Variants in TRIB2 observed in about 807,000 individuals in gnomAD.
The protein encoded by TRIB2 is tribbles pseudokinase 2, also known as tribbles homolog 2.
In TRIB2, 2 loss-of-function variants were observed where a neutral mutation model predicts 26.8. The ratio of observed to expected loss-of-function variants is 0.07; its 90% CI spans 0.03 to 0.24. The LOEUF is 0.24. Among genes scored for constraint, TRIB2 ranks in the 10% least tolerant of loss-of-function variants. The pLI is 1.00. For missense variants in TRIB2, 306 were observed against 449.0 expected (o/e 0.68, Z 2.88); for synonymous variants, 189 against 187.3 (o/e 1.01, Z -0.08).
chr2:12,738,752 C>T (rs1353945317), intron 2 of TRIB2, among the ~76,000 whole-genome samples: 4 of 152,180 alleles, frequency 2.6e-5, no homozygotes, highest in Non-Finnish European at 4.4e-5. Context: ...GTGGAGGAAG[C>T]TCTCAGTGAC....
Position 12,717,380 on chromosome 2 carries a change from C to T in TRIB2, c.-928C>T, listed in dbSNP as rs1027980489. 21 of 398,382 alleles carry T rather than the reference C, an allele frequency of 5.3e-5. No homozygotes were observed. Among genetic ancestry groups the T allele is most frequent in the Admixed American group, 2.2e-4 (5 of 22,718 alleles). 24.7% of individuals were successfully genotyped at this position (398,382 alleles called of 1,614,324 possible). Reference sequence around the variant, plus strand: ...TCGTGCCGGCGAAATCGGAGACCGCCGATCTGTCCTCGTTCTCTCCTGCAC... The same window carrying T: ...TCGTGCCGGCGAAATCGGAGACCGCTGATCTGTCCTCGTTCTCTCCTGCAC... On this transcript the variant is annotated 5_prime_UTR_variant, in exon 1 of 3. Coordinates refer to ENST00000155926, the MANE Select transcript of TRIB2 (RefSeq NM_021643.4). This position sits in a 1 kb window ranked among gnomAD's most constrained non-coding sequence, Gnocchi z 4.8.
chr2:12,717,016 T>G lies in TRIB2; in HGVS notation c.-1292T>G. The stretch of plus-strand genomic sequence containing the variant: ...GCTCCGAGATCCCCGGCCACGTAAG[T>G]AACTATTAATACCGCCTCGCCGGGG... On this transcript the variant is annotated 5_prime_UTR_variant, in exon 1 of 3. Transcript: ENST00000155926. The surrounding 1 kb of genome is among the most constrained non-coding windows in gnomAD (Gnocchi z 4.8). The G allele has an allele frequency of 5.8e-6, 1 of 171,268 alleles. No individual in the cohort carries two copies. The highest frequency in any genetic ancestry group is 1.2e-5 in the Non-Finnish European group (1 of 81,816). 10.6% of individuals were successfully genotyped at this position (171,268 alleles called of 1,614,324 possible). A position where few individuals can be genotyped will look rare whatever the true frequency, so the allele number is the denominator to read the frequency against.
chr2:12,728,488 T>G (rs1279305986), intron 2 of TRIB2, among the ~76,000 whole-genome samples: 1 of 152,250 alleles, frequency 6.6e-6, no homozygotes, highest in Non-Finnish European at 1.5e-5. Context: ...GATTTCTCTC[T>G]GGGTTCAAGG....
Position 12,718,014 on chromosome 2 carries a change from C to G in TRIB2, c.-294C>G, listed in dbSNP as rs191327196. 1.6e-3 allele frequency: 689 copies of G among 435,170 alleles called. 1 individual carries two copies. Among genetic ancestry groups the G allele is most frequent in the African/African-American group, 0.012 (624 of 50,736 alleles). The allele number at this position is 435,170 out of a possible 1,614,324, so 27.0% of individuals were successfully genotyped here. A position where few individuals can be genotyped will look rare whatever the true frequency, so the allele number is the denominator to read the frequency against. ...CAGATCCACGCCGGGGACACACACACAGAGTAACTAAAAGTGCGGCGATTC... is the reference window on the plus strand; with the variant it reads ...CAGATCCACGCCGGGGACACACACAGAGAGTAACTAAAAGTGCGGCGATTC... On this transcript the variant is annotated 5_prime_UTR_variant, in exon 1 of 3. Coordinates refer to ENST00000155926, the MANE Select transcript of TRIB2 (RefSeq NM_021643.4). The surrounding 1 kb of genome is among the most constrained non-coding windows in gnomAD (Gnocchi z 4.0).
At chr2:12,731,978 T>C (rs1254103749) in intron 2 of TRIB2, among the ~76,000 whole-genome samples, 2 of 152,196 alleles carry the variant, frequency 1.3e-5, no homozygotes, top group Non-Finnish European at 2.9e-5. Context: ...TCAGGAGCCA[T>C]GGCTGAAAGT....
chr2:12,739,621 T>A (rs1661665917), intron 2 of TRIB2, among the ~76,000 whole-genome samples: 1 of 152,162 alleles, frequency 6.6e-6, no homozygotes, highest in Non-Finnish European at 1.5e-5. Flanking sequence ...TGCTTGAACA[T>A]TCCCTGCTTC....
chr2:12,733,845 G>T (rs1264190697), intron 2 of TRIB2, among the ~76,000 whole-genome samples: 3 of 152,216 alleles, frequency 2.0e-5, no homozygotes, highest in East Asian at 1.9e-4. Flanking sequence ...ACTTAGTGGC[G>T]CAAGGGAGCT....
At chr2:12,737,240 GCC>G (rs1389540210) in intron 2 of TRIB2, 2 of 153,642 alleles carry the variant, frequency 1.3e-5, no homozygotes, top group Admixed American at 1.3e-4. Context: ...CCACTGGACC[GCC>G]CCTTGTCCCA....
intron 2 of TRIB2, among the ~76,000 whole-genome samples, chr2:12,739,097 C>T (rs76534707): frequency 6.6e-6 from 1 of 152,020 alleles, no homozygotes; most frequent in East Asian, 1.9e-4. Context: ...TCACACACAC[C>T]CTATGCACGC....
intron 2 of TRIB2, among the ~76,000 whole-genome samples, chr2:12,728,133 T>G (rs1661372736): frequency 6.6e-6 from 1 of 151,908 alleles, no homozygotes; most frequent in African/African-American, 2.4e-5. Flanking sequence ...CCTTGAAAAA[T>G]TACCTAAGCT....
chr2:12,723,746 T>C (rs984763464), intron 2 of TRIB2, among the ~76,000 whole-genome samples, 194 bp downstream of exon 2: 3 of 152,184 alleles, frequency 2.0e-5, no homozygotes, highest in Admixed American at 2.0e-4. Context: ...ATTCTAAAGG[T>C]GTCATCTGGT....
At chr2:12,739,866 T>TC (rs1661675130) in intron 2 of TRIB2, among the ~76,000 whole-genome samples, 2 of 152,222 alleles carry the variant, frequency 1.3e-5, no homozygotes, top group African/African-American at 2.4e-5. Flanking sequence ...CTTTGTGGAC[T>TC]GTGGTCTGTC....
Position 12,740,318 on chromosome 2 carries a change from T to C in TRIB2, c.564-8T>C. On this transcript the variant is annotated splice_region_variant and splice_polypyrimidine_tract_variant and intron_variant, in intron 2 of 2. Coordinates refer to ENST00000155926, the MANE Select transcript of TRIB2 (RefSeq NM_021643.4). The surrounding 1 kb of genome is among the most constrained non-coding windows in gnomAD (Gnocchi z 5.8). ...CTCAGGAGCTTATGTTTTCCTCCTT[T>C]CTTGCAGGACTCGGGTCAAGCTGGA... 6.2e-7 allele frequency: 1 copy of C among 1,611,046 alleles called. No individual in the cohort carries two copies. The highest frequency in any genetic ancestry group is 8.5e-7 in the Non-Finnish European group (1 of 1,177,690).
Position 12,718,130 on chromosome 2 carries a change from T to G in TRIB2, c.-178T>G, listed in dbSNP as rs949304720. The G allele has an allele frequency of 2.3e-6, 2 of 852,038 alleles. No homozygotes were observed. The highest frequency in any genetic ancestry group is 1.7e-5 in the African/African-American group (1 of 58,438). The allele number at this position is 852,038 out of a possible 1,614,324, so 52.8% of individuals were successfully genotyped here. A position where few individuals can be genotyped will look rare whatever the true frequency, so the allele number is the denominator to read the frequency against. On this transcript the variant is annotated 5_prime_UTR_variant, in exon 1 of 3. Transcript: ENST00000155926. This position sits in a 1 kb window ranked among gnomAD's most constrained non-coding sequence, Gnocchi z 4.0. ...GGAGCCGGGCTCGGAGCAGACGAGG[T>G]ATCCGGCGGCGCCCATTTGGGGGCT...
intron 2 of TRIB2, among the ~76,000 whole-genome samples, chr2:12,725,175 C>T (rs1336365032): frequency 2.0e-5 from 3 of 152,232 alleles, no homozygotes; most frequent in Admixed American, 6.5e-5. Flanking sequence ...TGCCCTCTCT[C>T]GCAGGGATCT....
In TRIB2 at chr2:12,723,503, G is replaced by T. The variant is rs1661270667; in HGVS notation, c.514G>T (p.Val172Leu). Residue 172 changes from valine to leucine, a missense_variant, in exon 2 of 3, where the codon GTG becomes TTG. Coordinates refer to ENST00000155926, the MANE Select transcript of TRIB2 (RefSeq NM_021643.4). ...AVAHCHDGGL[V>L]LRDLKLRKFI... The stretch of plus-strand genomic sequence containing the variant: ...GGCCCACTGCCATGACGGGGGGCTG[G>T]TGCTGCGGGACCTCAAGCTGCGGAA... 1 of 1,614,096 alleles carries T rather than the reference G, an allele frequency of 6.2e-7. No individual in the cohort carries two copies. Among genetic ancestry groups the T allele is most frequent in the Non-Finnish European group, 8.5e-7 (1 of 1,180,042 alleles).
chr2:12,741,441 G>T lies in TRIB2; in HGVS notation c.*647G>T, dbSNP rs1000980410. On this transcript the variant is annotated 3_prime_UTR_variant, in exon 3 of 3. Transcript: ENST00000155926. ...ACATGTTAATGCTTTGCTCCCTGAA[G>T]GGGGAAAAAATCTGTCCTTTAACAA... 1 of 152,518 alleles carries T rather than the reference G, an allele frequency of 6.6e-6. No individual in the cohort carries two copies. Among genetic ancestry groups the T allele is most frequent in the East Asian group, 1.9e-4 (1 of 5,206 alleles). The allele number at this position is 152,518 out of a possible 1,614,324, so 9.4% of individuals were successfully genotyped here.
Position 12,731,784 on chromosome 2 carries a change from C to T in TRIB2, c.563+8232C>T, listed in dbSNP as rs1252776403. 2.0e-5 allele frequency among the ~76,000 whole-genome samples: 3 copies of T among 152,306 alleles called. No homozygotes were observed. The East Asian group carries it at 5.8e-4, about 30-fold the overall frequency. ...TGGGTGCAGAGATGCACTCACAGGCCTCCCTGAACTCTGTGAACTCCCACC... is the reference window on the plus strand; with the variant it reads ...TGGGTGCAGAGATGCACTCACAGGCTTCCCTGAACTCTGTGAACTCCCACC... On this transcript the variant is annotated intron_variant, in intron 2 of 2. Coordinates refer to ENST00000155926, the MANE Select transcript of TRIB2 (RefSeq NM_021643.4).
At chr2:12,737,066 G>T (rs1368749299) in intron 2 of TRIB2, among the ~76,000 whole-genome samples, 2 of 152,154 alleles carry the variant, frequency 1.3e-5, no homozygotes, top group African/African-American at 4.8e-5. Context: ...GATGGAGAGA[G>T]AGGGAGTGTG....
Sources: allele counts gnomAD v4.1 joint callset (sites outside exome capture counted in the v4.1 genomes callset), GRCh38; gene constraint gnomAD v4.1.1; non-coding constraint Gnocchi (gnomAD v3.1); transcripts MANE v1.5; gene names NCBI Gene and HGNC (gene_info 2026-07-23, HGNC 2026-07-21).